Variants in ARMC6 observed in about 807,000 individuals in gnomAD.
ARMC6 encodes the protein armadillo repeat-containing protein 6.
Under a neutral mutation model 49.2 loss-of-function variants are expected in ARMC6, and 43 were observed. The observed-to-expected ratio is 0.87, with a 90% CI of 0.69 to 1.13. ARMC6 has a LOEUF of 1.13. Among genes scored for constraint, ARMC6 ranks in the 50% most tolerant of loss-of-function variants. ARMC6 has a pLI of 0.00. For synonymous variants in ARMC6, 262 were observed against 289.6 expected, an observed-to-expected ratio of 0.90 and a Z score of 0.97; for missense variants, 627 against 682.0, an observed-to-expected ratio of 0.92 and a Z score of 0.90.
rs1327345388 is a variant in ARMC6, at chr19:19,055,264, G to C, written c.1024-1G>C. 3 of 1,594,882 alleles carry C rather than the reference G, an allele frequency of 1.9e-6. No individual in the cohort carries two copies. The South Asian group carries it at 3.4e-5, about 18-fold the overall frequency. On this transcript the variant is annotated splice_acceptor_variant, in intron 6 of 8. Transcript: ENST00000535612. LOFTEE classifies it high-confidence loss of function. The surrounding 1 kb of genome is among the most constrained non-coding windows in gnomAD (Gnocchi z 5.7). ...GGTGAGCGGGCCTTTCCCTTGTGCA[G>C]GAGCTCGTGAAGCAAGTGCTGAGCA... is the stretch of plus-strand genomic sequence containing the variant.
chr19:19,057,130 C>T (rs1484748097), intron 8 of ARMC6, among the ~76,000 whole-genome samples: 1 of 152,344 alleles, frequency 6.6e-6, no homozygotes, highest in African/African-American at 2.4e-5. Context: ...GTGCCAGCCT[C>T]GGGGGACCTC....
At chr19:19,046,927 G>GTTTTTTTTTTTT (rs386388691) in intron 4 of ARMC6, among the ~76,000 whole-genome samples, 21 of 104,294 alleles carry the variant, frequency 2.0e-4, no homozygotes, top group African/African-American at 3.2e-4. Context: ...ATGCTCACCT[G>GTTTTTTTTTTTT]TTTTTTTTTT....
intron 2 of ARMC6, among the ~76,000 whole-genome samples, chr19:19,035,159 C>A (rs1010772693): frequency 6.6e-6 from 1 of 152,134 alleles, no homozygotes; most frequent in African/African-American, 2.4e-5. Flanking sequence ...CCACCGTGCC[C>A]GGCCCTGGCT....
At position 19,055,716 on chromosome 19, in the gene ARMC6, G is replaced by A. The variant is rs1452223401; in HGVS notation, c.1156-75G>A. On this transcript the variant is annotated intron_variant, in intron 7 of 8. Coordinates refer to ENST00000535612, the MANE Select transcript of ARMC6 (RefSeq NM_001199196.2). The surrounding 1 kb of genome is among the most constrained non-coding windows in gnomAD (Gnocchi z 5.7). ...GGGAGGCCGCAGGGTGTTCACCAGG[G>A]GTTGGTGGCCATGGCAGGATGTTGT... 6 of 1,505,816 alleles carry A rather than the reference G, an allele frequency of 4.0e-6. No individual in the cohort carries two copies. Among genetic ancestry groups the A allele is most frequent in the Non-Finnish European group, 5.4e-6 (6 of 1,121,394 alleles). 93.3% of individuals were successfully genotyped at this position (1,505,816 alleles called of 1,614,324 possible).
rs761249515 is a variant in ARMC6, at chr19:19,051,655, TC to T, written c.314del (p.Ser105PhefsTer61). The T allele has an allele frequency of 1.2e-6, 2 of 1,610,280 alleles. No individual in the cohort carries two copies. The highest frequency in any genetic ancestry group is 2.7e-5 in the African/African-American group (2 of 74,834). On this transcript the variant is annotated frameshift_variant, in exon 5 of 9. Coordinates refer to ENST00000535612, the MANE Select transcript of ARMC6 (RefSeq NM_001199196.2). LOFTEE classifies it high-confidence loss of function. ...LSDLQESVAS[S>X]RPQEVSAYLT... ...TGACCTCCAGGAGTCTGTGGCCAGC[TC>T]TCGCCCCCAGGAGGTGTCAGCATAC... is the stretch of plus-strand genomic sequence containing the variant.
intron 8 of ARMC6, among the ~76,000 whole-genome samples, chr19:19,056,737 G>A (rs10422813): frequency 2.2e-4 from 34 of 152,222 alleles, no homozygotes; most frequent in Admixed American, 8.5e-4. Flanking sequence ...AGACTCCTCC[G>A]TGCAGCCCCC....
chr19:19,055,735 A>G lies in ARMC6; in HGVS notation c.1156-56A>G, dbSNP rs1287782591. On this transcript the variant is annotated intron_variant, in intron 7 of 8. Transcript: ENST00000535612. The surrounding 1 kb of genome is among the most constrained non-coding windows in gnomAD (Gnocchi z 5.7). ...ACCAGGGGTTGGTGGCCATGGCAGGATGTTGTGGGGGGTCTATCTGCTGCA... is the reference window on the plus strand; with the variant it reads ...ACCAGGGGTTGGTGGCCATGGCAGGGTGTTGTGGGGGGTCTATCTGCTGCA... 4.0e-6 allele frequency: 6 copies of G among 1,514,078 alleles called. No individual in the cohort carries two copies. The highest frequency in any genetic ancestry group is 5.3e-6 in the Non-Finnish European group (6 of 1,123,510). 93.8% of individuals were successfully genotyped at this position (1,514,078 alleles called of 1,614,324 possible). A position where few individuals can be genotyped will look rare whatever the true frequency, so the allele number is the denominator to read the frequency against.
Position 19,051,880 on chromosome 19 carries a change from C to T in ARMC6, c.538C>T (p.Leu180Phe). 5 of 1,614,158 alleles carry T rather than the reference C, an allele frequency of 3.1e-6. No individual in the cohort carries two copies. The highest frequency in any genetic ancestry group is 4.2e-6 in the Non-Finnish European group (5 of 1,180,036). Residue 180 changes from leucine to phenylalanine, a missense_variant, in exon 5 of 9, where the codon CTC (leucine) becomes TTC (phenylalanine). Coordinates refer to ENST00000535612, the MANE Select transcript of ARMC6 (RefSeq NM_001199196.2). The stretch of plus-strand genomic sequence containing the variant: ...CCTCCTGGATGCCCAGGGCCTGCAG[C>T]TCCTAGTGGCCACGCTGACCCAGAA... ...PDLLDAQGLQLLVATLTQNAD... is the reference protein window; with the variant it reads ...PDLLDAQGLQFLVATLTQNAD...
chr19:19,040,668 T>G (rs1182058721), intron 2 of ARMC6: 4 of 340,020 alleles, frequency 1.2e-5, no homozygotes, highest in Non-Finnish European at 2.4e-5. Context: ...TTTTTTTTTT[T>G]GCAACATCGT....
intron 2 of ARMC6, among the ~76,000 whole-genome samples, chr19:19,034,497 C>T (rs1323318929): frequency 2.0e-5 from 3 of 152,122 alleles, no homozygotes; most frequent in African/African-American, 7.2e-5. Flanking sequence ...TGACGCCGCC[C>T]TTAGGGGAGG....
chr19:19,047,066 G>A (rs2059458061), intron 4 of ARMC6, among the ~76,000 whole-genome samples: 1 of 149,362 alleles, frequency 6.7e-6, no homozygotes, highest in South Asian at 2.1e-4. Context: ...TGATGCTCCT[G>A]TCTCAGCCTC....
chr19:19,053,021 G>C (rs2145875735), intron 5 of ARMC6, among the ~76,000 whole-genome samples: 1 of 152,246 alleles, frequency 6.6e-6, no homozygotes. Context: ...TATATATGAA[G>C]AGACTTTTTG....
rs538153237 is a variant in ARMC6, at chr19:19,047,682, T to A, written c.279+3608T>A. Among the ~76,000 whole-genome samples the A allele has an allele frequency of 1.1e-3, 161 of 152,226 alleles. 1 individual carries two copies. The highest frequency in any genetic ancestry group is 3.9e-3 in the African/African-American group (161 of 41,550). ...TTTAGCAACCATCTGTCAATGAAAA[T>A]ACTCTATAAAATATTTCAAGAGATT... is the stretch of plus-strand genomic sequence containing the variant. On this transcript the variant is annotated intron_variant, in intron 4 of 8. Transcript: ENST00000535612.
chr19:19,035,887 G>A (rs1050490941), intron 2 of ARMC6, among the ~76,000 whole-genome samples: 3 of 152,178 alleles, frequency 2.0e-5, no homozygotes, highest in Non-Finnish European at 4.4e-5. Context: ...TTAGGGAGAC[G>A]TGAGATATAA....
intron 5 of ARMC6, among the ~76,000 whole-genome samples, chr19:19,053,338 A>G (rs188921819): frequency 6.6e-6 from 1 of 152,168 alleles, no homozygotes; most frequent in East Asian, 1.9e-4. Context: ...AAATACAAAA[A>G]TTGCTGGGCG....
chr19:19,048,329 A>G (rs1463504147), intron 4 of ARMC6, among the ~76,000 whole-genome samples: 3 of 150,888 alleles, frequency 2.0e-5, no homozygotes, highest in Non-Finnish European at 4.4e-5. Context: ...CTTGGTAACA[A>G]GAGCGAAATT....
chr19:19,043,947 CT>C, intron 3 of ARMC6, 44 bp from the exon 4 acceptor site: 1 of 1,575,374 alleles, frequency 6.3e-7, no homozygotes, highest in Non-Finnish European at 8.7e-7. Flanking sequence ...ACAGCTGTCA[CT>C]TTCTTTCTGA....
intron 4 of ARMC6, among the ~76,000 whole-genome samples, chr19:19,045,095 C>T (rs1373933139): frequency 1.3e-5 from 2 of 152,138 alleles, no homozygotes. Flanking sequence ...ACTGCAACTT[C>T]CACCTCCCAG....
intron 5 of ARMC6, among the ~76,000 whole-genome samples, chr19:19,052,443 T>G (rs1320848980): frequency 1.3e-5 from 2 of 152,024 alleles, no homozygotes; most frequent in Admixed American, 6.5e-5. Flanking sequence ...TGGAGCTGTC[T>G]GGGGAAGGGG....
Sources: allele counts gnomAD v4.1 joint callset (sites outside exome capture counted in the v4.1 genomes callset), GRCh38; gene constraint gnomAD v4.1.1; non-coding constraint Gnocchi (gnomAD v3.1); transcripts MANE v1.5; gene names NCBI Gene and HGNC (gene_info 2026-07-23, HGNC 2026-07-21).